The following TMEM132E variants were observed in gnomAD, a reference collection of about 807,000 sequenced individuals.
TMEM132E encodes transmembrane protein 132E.
Under a neutral mutation model 78.5 loss-of-function variants are expected in TMEM132E, and 49 were observed. That is an observed-to-expected ratio of 0.62 (90% confidence interval 0.50 to 0.79). The LOEUF is 0.79. TMEM132E is among the 30% of genes least tolerant of loss of function. TMEM132E has a pLI of 0.00. For synonymous variants in TMEM132E, 715 were observed against 670.6 expected (o/e 1.07, Z -1.02); for missense variants, 1,403 against 1,470.9 (o/e 0.95, Z 0.75).
intron 1 of TMEM132E, among the ~76,000 whole-genome samples, chr17:34,612,241 A>G (rs1376266293): frequency 6.6e-6 from 1 of 152,208 alleles, no homozygotes; most frequent in Non-Finnish European, 1.5e-5. Flanking sequence ...CTAGGAAAGT[A>G]GACAGCATGT....
At chr17:34,620,770 C>T (rs780970697) in intron 1 of TMEM132E, among the ~76,000 whole-genome samples, 1 of 152,138 alleles carries the variant, frequency 6.6e-6, no homozygotes, top group Non-Finnish European at 1.5e-5. Flanking sequence ...AGGATGGTGG[C>T]CGTGAGAGGT....
intron 1 of TMEM132E, among the ~76,000 whole-genome samples, chr17:34,597,870 C>A (rs140539544): frequency 6.6e-6 from 1 of 152,184 alleles, no homozygotes; most frequent in African/African-American, 2.4e-5. Flanking sequence ...AGATCCTGCC[C>A]AGAGACCTCA....
intron 1 of TMEM132E, among the ~76,000 whole-genome samples, chr17:34,587,229 G>T (rs1209963935): frequency 2.0e-5 from 3 of 152,170 alleles, no homozygotes; most frequent in Non-Finnish European, 2.9e-5. Flanking sequence ...TGAGAGAACA[G>T]GCAGCTAGGA....
intron 5 of TMEM132E, among the ~76,000 whole-genome samples, chr17:34,630,635 T>C (rs578055491): frequency 9.2e-5 from 14 of 152,130 alleles, no homozygotes; most frequent in Non-Finnish European, 1.8e-4. Context: ...GTGCAAGTGA[T>C]CAGATGAAGG....
At position 34,638,262 on chromosome 17, in the gene TMEM132E, C is replaced by CCT; in HGVS notation, c.*31_*32insTC. On this transcript the variant is annotated 3_prime_UTR_variant, in exon 9 of 9. Transcript: ENST00000631683. ...GCCAGCCGGAGTAGCAGGGACCCCCCCCCCCAACGGGGTCAGCTCGGGGTA... is the reference window on the plus strand; with the variant it reads ...GCCAGCCGGAGTAGCAGGGACCCCCCCTCCCCCAACGGGGTCAGCTCGGGGTA... 6.8e-7 allele frequency: 1 copy of CCT among 1,473,586 alleles called. No homozygotes were observed. The highest frequency in any genetic ancestry group is 1.4e-5 in the South Asian group (1 of 71,420). The allele number at this position is 1,473,586 out of a possible 1,614,324, so 91.3% of individuals were successfully genotyped here. A position where few individuals can be genotyped will look rare whatever the true frequency, so the allele number is the denominator to read the frequency against.
intron 1 of TMEM132E, among the ~76,000 whole-genome samples, chr17:34,621,456 C>T (rs1906957343): frequency 6.6e-6 from 1 of 152,170 alleles, no homozygotes; most frequent in African/African-American, 2.4e-5. Flanking sequence ...CTAGTAGCCT[C>T]TTTAAGGATC....
At position 34,626,223 on chromosome 17, in the gene TMEM132E, CCTT is replaced by C. The variant is rs1907113790; in HGVS notation, c.169_171del (p.Phe57del). 3 of 1,585,856 alleles carry C rather than the reference CCTT, an allele frequency of 1.9e-6. No homozygotes were observed. The highest frequency in any genetic ancestry group is 2.6e-6 in the Non-Finnish European group (3 of 1,166,686). On this transcript the variant is annotated inframe_deletion, in exon 2 of 9. Transcript: ENST00000631683. ...TACCGCCTGTCGCACACGCGGCTGGCCTTCTTCCTGCGGGAGGCGCGGCCCCCG... is the reference window on the plus strand; with the variant it reads ...TACCGCCTGTCGCACACGCGGCTGGCCTTCCTGCGGGAGGCGCGGCCCCCG...
chr17:34,637,399 CG>C lies in TMEM132E; in HGVS notation c.2393del (p.Arg798ProfsTer87). 1 of 1,613,878 alleles carries C rather than the reference CG, an allele frequency of 6.2e-7. No homozygotes were observed. The highest frequency in any genetic ancestry group is 8.5e-7 in the Non-Finnish European group (1 of 1,180,040). Reference sequence around the variant, plus strand: ...CGCTGAGAGCTGCCAGAAAACCAAACGCAAGAGTGTGCTCGCCACGACCCCT... The same window carrying C: ...CGCTGAGAGCTGCCAGAAAACCAAACCAAGAGTGTGCTCGCCACGACCCCT... ...TIAESCQKTK[R>X]KSVLATTPVG... is the part of the protein sequence containing the mutation. On this transcript the variant is annotated frameshift_variant, in exon 9 of 9. Transcript: ENST00000631683. LOFTEE classifies it high-confidence loss of function.
chr17:34,605,999 C>G (rs1906401679), intron 1 of TMEM132E, among the ~76,000 whole-genome samples: 1 of 152,198 alleles, frequency 6.6e-6, no homozygotes, highest in South Asian at 2.1e-4. Flanking sequence ...CCACCTACAA[C>G]AAAGCCATGG....
chr17:34,631,940 C>T (rs1567721386), intron 5 of TMEM132E, among the ~76,000 whole-genome samples: 1 of 152,340 alleles, frequency 6.6e-6, no homozygotes, highest in East Asian at 1.9e-4. Flanking sequence ...CTGGCAGTGA[C>T]ACCTCTGTGA....
intron 1 of TMEM132E, among the ~76,000 whole-genome samples, chr17:34,602,240 G>T (rs1470184668): frequency 6.6e-6 from 1 of 152,240 alleles, no homozygotes; most frequent in East Asian, 1.9e-4. Context: ...CAATCGTGCT[G>T]CTTTAAGCTG....
intron 1 of TMEM132E, among the ~76,000 whole-genome samples, chr17:34,601,081 A>G (rs1038459089): frequency 1.3e-5 from 2 of 152,230 alleles, no homozygotes; most frequent in Admixed American, 6.5e-5. Flanking sequence ...GCAACAGCCA[A>G]CAAGAATCCC....
intron 1 of TMEM132E, among the ~76,000 whole-genome samples, chr17:34,617,781 A>T (rs1031049408): frequency 9.2e-5 from 14 of 152,222 alleles, no homozygotes; most frequent in Admixed American, 9.2e-4. Flanking sequence ...TTTAAAAAAA[A>T]TTCTTGGAAC....
At chr17:34,596,010 G>A (rs1350439804) in intron 1 of TMEM132E, among the ~76,000 whole-genome samples, 6 of 149,914 alleles carry the variant, frequency 4.0e-5, no homozygotes, top group Non-Finnish European at 8.9e-5. Context: ...CCCCTCCCTC[G>A]GACCCCAACC....
intron 6 of TMEM132E, among the ~76,000 whole-genome samples, chr17:34,633,194 G>A (rs534890473): frequency 7.9e-5 from 12 of 152,356 alleles, no homozygotes; most frequent in Middle Eastern, 3.4e-3. Flanking sequence ...GGGAAGCCCC[G>A]TGTGCAGGGA....
chr17:34,610,133 A>G (rs1327713210), intron 1 of TMEM132E, among the ~76,000 whole-genome samples: 1 of 152,214 alleles, frequency 6.6e-6, no homozygotes, highest in Non-Finnish European at 1.5e-5. Flanking sequence ...CAGAATGCTC[A>G]GGGAGCTCTG....
intron 2 of TMEM132E, among the ~76,000 whole-genome samples, chr17:34,628,056 T>G (rs1364637705): frequency 6.6e-6 from 1 of 152,206 alleles, no homozygotes; most frequent in African/African-American, 2.4e-5. Context: ...GTGAGGTGAT[T>G]CAGAACTATG....
intron 8 of TMEM132E, 93 bp downstream of exon 8, chr17:34,636,291 AT>A: frequency 8.2e-7 from 1 of 1,225,350 alleles, no homozygotes. Context: ...GAGTCCCCAT[AT>A]TAGGGCTTTA....
chr17:34,585,968 A>G (rs1905659727), intron 1 of TMEM132E, among the ~76,000 whole-genome samples: 1 of 152,222 alleles, frequency 6.6e-6, no homozygotes, highest in African/African-American at 2.4e-5. Flanking sequence ...TTTGCTGTGT[A>G]GCCACAGGAA....
Sources: allele counts gnomAD v4.1 joint callset (sites outside exome capture counted in the v4.1 genomes callset), GRCh38; gene constraint gnomAD v4.1.1; transcripts MANE v1.5; gene names NCBI Gene and HGNC (gene_info 2026-07-23, HGNC 2026-07-21).